Variants in CD96 observed in about 807,000 individuals in gnomAD.
CD96 encodes the protein T-cell surface protein tactile.
In CD96, 70 loss-of-function variants were observed where a neutral mutation model predicts 71.3. That is an observed-to-expected ratio of 0.98 (90% confidence interval 0.81 to 1.20). CD96 has a LOEUF of 1.20. CD96 is among the 50% of genes most tolerant of loss of function. CD96 has a pLI of 0.00. For missense variants in CD96, 742 were observed against 677.5 expected (o/e 1.10, Z -1.06); for synonymous variants, 248 against 233.0 (o/e 1.06, Z -0.59).
chr3:111,584,226 C>G (rs1354824027), intron 4 of CD96, among the ~76,000 whole-genome samples: 1 of 152,202 alleles, frequency 6.6e-6, no homozygotes, highest in Non-Finnish European at 1.5e-5. Context: ...TGCTCCAGTT[C>G]CCAACAAGTT....
chr3:111,573,442 G>A (rs1030376886), intron 3 of CD96, among the ~76,000 whole-genome samples: 4 of 152,120 alleles, frequency 2.6e-5, no homozygotes, highest in Non-Finnish European at 5.9e-5. Context: ...GATGAACCTG[G>A]GAAAGCTTCT....
chr3:111,628,533 G>A (rs1195259849), intron 10 of CD96, among the ~76,000 whole-genome samples: 1 of 152,194 alleles, frequency 6.6e-6, no homozygotes, highest in Non-Finnish European at 1.5e-5. Flanking sequence ...TATGCAATGA[G>A]ACTGAATCTA....
intron 10 of CD96, among the ~76,000 whole-genome samples, chr3:111,630,330 C>T (rs1363332580): frequency 1.3e-5 from 2 of 152,162 alleles, no homozygotes; most frequent in East Asian, 3.9e-4. Context: ...AGGGATATTA[C>T]CACTGACCCC....
chr3:111,624,302 G>A (rs762246728), intron 9 of CD96, 31 bp from the exon 10 acceptor site: 4 of 1,474,590 alleles, frequency 2.7e-6, no homozygotes, highest in Non-Finnish European at 3.8e-6. Flanking sequence ...TTCGAAAAAA[G>A]CTGGATTCTG....
intron 4 of CD96, among the ~76,000 whole-genome samples, chr3:111,582,094 A>T (rs1056393803): frequency 6.6e-6 from 1 of 152,086 alleles, no homozygotes; most frequent in African/African-American, 2.4e-5. Context: ...ATCACTATTA[A>T]CTCTCTGGGA....
At chr3:111,599,784 AC>A (rs1488645076) in intron 6 of CD96, among the ~76,000 whole-genome samples, 3 of 152,226 alleles carry the variant, frequency 2.0e-5, no homozygotes, top group South Asian at 4.1e-4. Context: ...TAGGCAAAGC[AC>A]CCAGATTTCA....
intron 12 of CD96, 42 bp from the exon 13 acceptor site, chr3:111,647,501 A>T (rs753823336): frequency 3.7e-6 from 6 of 1,600,986 alleles, no homozygotes; most frequent in Middle Eastern, 1.7e-4. Flanking sequence ...CCAAATGCCA[A>T]AGTTTGGGAT....
chr3:111,579,359 T>C (rs1177648763), intron 4 of CD96, 125 bp downstream of exon 4: 2 of 743,238 alleles, frequency 2.7e-6, no homozygotes, highest in South Asian at 2.8e-5. Flanking sequence ...TGGAGTCTGT[T>C]TCCCTGGATA....
intron 14 of CD96, among the ~76,000 whole-genome samples, chr3:111,657,800 G>T (rs1163298223): frequency 6.6e-6 from 1 of 152,172 alleles, no homozygotes; most frequent in African/African-American, 2.4e-5. Context: ...GTGTGTGTGT[G>T]CATGTGTATG....
chr3:111,549,383 G>T (rs1182422372), intron 2 of CD96, among the ~76,000 whole-genome samples: 1 of 152,192 alleles, frequency 6.6e-6, no homozygotes, highest in East Asian at 1.9e-4. Flanking sequence ...TAGAAAGATT[G>T]ATTAGTCCAT....
chr3:111,616,747 G>T (rs1172635357), intron 8 of CD96, among the ~76,000 whole-genome samples: 1 of 152,174 alleles, frequency 6.6e-6, no homozygotes, highest in Non-Finnish European at 1.5e-5. Context: ...CAGCTGTAGT[G>T]AGGGAGGCCT....
chr3:111,649,206 A>G (rs2107791945), intron 13 of CD96, among the ~76,000 whole-genome samples: 1 of 152,310 alleles, frequency 6.6e-6, no homozygotes, highest in South Asian at 2.1e-4. Context: ...ACATAAAAGA[A>G]ACATTTCTTC....
intron 14 of CD96, among the ~76,000 whole-genome samples, chr3:111,658,540 T>C (rs550717040): frequency 6.6e-6 from 1 of 152,334 alleles, no homozygotes; most frequent in South Asian, 2.1e-4. Context: ...TCAGGATATA[T>C]GCATGGTCTC....
chr3:111,574,808 T>C (rs1056881435), intron 3 of CD96, among the ~76,000 whole-genome samples: 2 of 151,500 alleles, frequency 1.3e-5, no homozygotes, highest in Admixed American at 1.3e-4. Flanking sequence ...TTTGAGGCAG[T>C]GTCTCACTTT....
At chr3:111,647,426 G>A in intron 12 of CD96, 117 bp from the exon 13 acceptor site, 5 of 932,936 alleles carry the variant, frequency 5.4e-6, no homozygotes, top group Non-Finnish European at 8.8e-6. Context: ...CACCTCCAGA[G>A]TATGATCACA....
At chr3:111,582,054 G>T (rs955102269) in intron 4 of CD96, among the ~76,000 whole-genome samples, 1 of 152,120 alleles carries the variant, frequency 6.6e-6, no homozygotes, top group Non-Finnish European at 1.5e-5. Flanking sequence ...CAAGAAAGCT[G>T]GGGTATTCAT....
At chr3:111,576,999 C>T (rs1936248534) in intron 3 of CD96, among the ~76,000 whole-genome samples, 1 of 152,122 alleles carries the variant, frequency 6.6e-6, no homozygotes, top group African/African-American at 2.4e-5. Flanking sequence ...AACTGAATCC[C>T]ATCTTTCCTA....
At position 111,577,598 on chromosome 3, in the gene CD96, G is replaced by A. The variant is rs778827565; in HGVS notation, c.544-1429G>A. 2.4e-5 allele frequency: 28 copies of A among 1,189,880 alleles called. 1 individual carries two copies. The highest frequency in any genetic ancestry group is 2.9e-5 in the Non-Finnish European group (23 of 792,318). The allele number at this position is 1,189,880 out of a possible 1,614,324, so 73.7% of individuals were successfully genotyped here. On this transcript the variant is annotated intron_variant, in intron 3 of 13. Coordinates refer to ENST00000352690, the MANE Select transcript of CD96 (RefSeq NM_005816.5). ...AGAATTCAGCAGAGTATGATTATTT[G>A]CAGGCAATAACACAATACTATCTGT... is the stretch of plus-strand genomic sequence containing the variant.
chr3:111,624,265 G>T, intron 9 of CD96, 68 bp from the exon 10 acceptor site: 1 of 1,007,022 alleles, frequency 9.9e-7, no homozygotes, highest in Non-Finnish European at 1.6e-6. Flanking sequence ...AAAATTCTGT[G>T]CATCAAAGCA....
Sources: gnomAD v4.1 joint callset for allele counts (sites outside exome capture counted in the v4.1 genomes callset) on GRCh38, gnomAD v4.1.1 for gene constraint, MANE v1.5 for transcripts, NCBI Gene and HGNC (gene_info 2026-07-23, HGNC 2026-07-21) for gene names.